TMED9: variants seen among roughly 807,000 people sequenced by gnomAD.
TMED9 encodes the protein transmembrane p24 trafficking protein 9.
Under a neutral mutation model 30.6 loss-of-function variants are expected in TMED9, and 22 were observed. The observed-to-expected ratio is 0.72, with a 90% CI of 0.51 to 1.03. The LOEUF is 1.03. TMED9 is among the 50% of genes least tolerant of loss of function. The pLI, the probability that TMED9 is intolerant of heterozygous loss-of-function variation, is 0.00. For synonymous variants in TMED9, 146 were observed against 122.8 expected (o/e 1.19, Z -1.25); for missense variants, 251 against 302.1 (o/e 0.83, Z 1.25).
rs774454154 is a variant in TMED9, at chr5:177,594,107, A to G, written c.412-32A>G. The G allele has an allele frequency of 1.9e-6, 3 of 1,612,742 alleles. No homozygotes were observed. The African/African-American group carries it at 4.0e-5, about 22-fold the overall frequency. On this transcript the variant is annotated intron_variant, in intron 3 of 4. Coordinates refer to ENST00000332598, the MANE Select transcript of TMED9 (RefSeq NM_017510.6). ...GGCAGGAAGATGGAGCAGGGCTACC[A>G]GATTTCCCTTATCTCCTTTGTCTGT...
At chr5:177,595,168 C>G in intron 4 of TMED9, 99 bp from the exon 5 acceptor site, 1 of 1,370,912 alleles carries the variant, frequency 7.3e-7, no homozygotes, top group African/African-American at 1.5e-5. Context: ...TTGGCTGGAA[C>G]CTGGGCAAAG....
At chr5:177,592,471 A>G in intron 1 of TMED9, 73 bp downstream of exon 1, 2 of 1,552,684 alleles carry the variant, frequency 1.3e-6, no homozygotes, top group South Asian at 1.2e-5. Context: ...CGAGACAGTC[A>G]GCTCTCTAGA....
rs539602650 is a variant in TMED9 at position 177,594,584 on chromosome 5, G to A, written c.558+299G>A. On this transcript the variant is annotated intron_variant, in intron 4 of 4. Transcript: ENST00000332598. ...CAGGACCAGGGTCTCAAACTTACCG[G>A]TGACCAGGAACCAGAGATTACCATA... Among the ~76,000 whole-genome samples the A allele has an allele frequency of 5.9e-5, 9 of 152,208 alleles. No individual in the cohort carries two copies. The South Asian group carries it at 1.9e-3, about 32-fold the overall frequency.
At chr5:177,592,811 C>T (rs572531572) in intron 2 of TMED9, 136 bp downstream of exon 2, 2 of 656,366 alleles carry the variant, frequency 3.0e-6, no homozygotes, top group South Asian at 2.0e-5. Flanking sequence ...CTTGCAGACC[C>T]CGCCCGGTCT....
rs766285629 is a variant in TMED9, at chr5:177,592,236, C to A, written c.22C>A (p.Leu8Met). Reference protein sequence around the residue: MAVELGVLLVRPRPGTGL... With the variant: MAVELGVMLVRPRPGTGL... ...CAAGATGGCTGTGGAGCTGGGCGTG[C>A]TGCTCGTCCGGCCCCGGCCCGGAAC... is the stretch of plus-strand genomic sequence containing the variant. Residue 8 changes from leucine (L) to methionine (M), a missense_variant, in exon 1 of 5, where the codon CTG becomes ATG. Leu to Met is a conservative substitution (Grantham distance 15, BLOSUM62 2). This residue lies in a region of TMED9 where 98 missense variants were observed against 62.5 expected (regional missense o/e 1.57). Transcript: ENST00000332598. 6.2e-6 allele frequency: 10 copies of A among 1,608,516 alleles called. No individual in the cohort carries two copies. Among genetic ancestry groups the A allele is most frequent in the Non-Finnish European group, 7.6e-6 (9 of 1,178,142 alleles).
In TMED9 at chr5:177,592,203, A is replaced by G; in HGVS notation, c.-12A>G. On this transcript the variant is annotated 5_prime_UTR_variant, in exon 1 of 5. Transcript: ENST00000332598. ...CGCGGCCGGCTGCGGCTGCGCAGGC[A>G]GGTGGAGCAAGATGGCTGTGGAGCT... 1 of 1,575,010 alleles carries G rather than the reference A, an allele frequency of 6.3e-7. No homozygotes were observed. The highest frequency in any genetic ancestry group is 8.6e-7 in the Non-Finnish European group (1 of 1,163,748).
At chr5:177,595,124 A>G in intron 4 of TMED9, 143 bp from the exon 5 acceptor site, 3 of 833,834 alleles carry the variant, frequency 3.6e-6, no homozygotes, top group Admixed American at 6.2e-5. Flanking sequence ...GAGGGTAAAG[A>G]TAGTCCCCAG....
intron 3 of TMED9, 26 bp downstream of exon 3, chr5:177,593,801 A>G (rs749904541): frequency 1.2e-6 from 2 of 1,613,354 alleles, no homozygotes; most frequent in Non-Finnish European, 1.7e-6. Context: ...TGAGACTTGC[A>G]GGTTTCAGCC....
intron 3 of TMED9, 169 bp downstream of exon 3, chr5:177,593,944 G>A (rs1166299432): frequency 5.9e-6 from 7 of 1,193,642 alleles, no homozygotes; most frequent in Non-Finnish European, 7.1e-6. Flanking sequence ...CTTTGTACAT[G>A]CCTCACTCAG....
chr5:177,593,577 G>C (rs1348501213), intron 2 of TMED9, 73 bp from the exon 3 acceptor site: 7 of 1,580,738 alleles, frequency 4.4e-6, no homozygotes, highest in Non-Finnish European at 6.1e-6. Context: ...GCAGTACTTA[G>C]AGCCTTAAGC....
Position 177,592,308 on chromosome 5 carries a change from G to T in TMED9, c.94G>T (p.Ala32Ser). ...GACCCTCCTGCTGGTGCTGTGGCTG[G>T]CGACGCGCGGAAGCGCGCTCTACTT... Reference protein sequence around the residue: ...MRTLLLVLWLATRGSALYFHI... With the variant: ...MRTLLLVLWLSTRGSALYFHI... The change falls in exon 1 of 5, where the codon GCG becomes TCG. Residue 32 changes from alanine to serine, a missense_variant. Transcript: ENST00000332598. The T allele has an allele frequency of 6.2e-7, 1 of 1,608,114 alleles. No individual in the cohort carries two copies.
chr5:177,595,482 T>G lies in TMED9; in HGVS notation c.*66T>G. The G allele has an allele frequency of 6.5e-7, 1 of 1,529,960 alleles. No individual in the cohort carries two copies. Among genetic ancestry groups the G allele is most frequent in the Non-Finnish European group, 8.9e-7 (1 of 1,127,976 alleles). The allele number at this position is 1,529,960 out of a possible 1,614,324, so 94.8% of individuals were successfully genotyped here. Reference sequence around the variant, plus strand: ...GAAAGGACCTCCTGGAACTGACTTCTTCTGTCAGGAGGACTGGTTTCCAGC... The same window carrying G: ...GAAAGGACCTCCTGGAACTGACTTCGTCTGTCAGGAGGACTGGTTTCCAGC... On this transcript the variant is annotated 3_prime_UTR_variant, in exon 5 of 5. Transcript: ENST00000332598.
At chr5:177,592,429 G>A in intron 1 of TMED9, 31 bp downstream of exon 1, 1 of 1,574,898 alleles carries the variant, frequency 6.3e-7, no homozygotes, top group Non-Finnish European at 8.6e-7. Context: ...GGGCGAGTTT[G>A]GAACGTGACC....
intron 4 of TMED9, 105 bp from the exon 5 acceptor site, chr5:177,595,162 C>T: frequency 7.6e-7 from 1 of 1,316,912 alleles, no homozygotes; most frequent in Non-Finnish European, 1.0e-6. Flanking sequence ...AGGCACTTGG[C>T]TGGAACCTGG....
chr5:177,592,364 T>C lies in TMED9; in HGVS notation c.150T>C (p.Phe50=). Residue 50 remains phenylalanine, a synonymous_variant, in exon 1 of 5, where the codon TTT becomes TTC. Coordinates refer to ENST00000332598, the MANE Select transcript of TMED9 (RefSeq NM_017510.6). Reference sequence around the variant, plus strand: ...TCGGAGAGACGGAGAAGAAGTGCTTTATTGAGGAGATCCCGGACGAGACCA... The same window carrying C: ...TCGGAGAGACGGAGAAGAAGTGCTTCATTGAGGAGATCCCGGACGAGACCA... ...FHIGETEKKC[F]IEEIPDETMV... 6.2e-7 allele frequency: 1 copy of C among 1,604,484 alleles called. No homozygotes were observed. Among genetic ancestry groups the C allele is most frequent in the Non-Finnish European group, 8.5e-7 (1 of 1,175,654 alleles).
At position 177,597,029 on chromosome 5, in the gene TMED9, G is replaced by C. The variant is rs1305719096; in HGVS notation, c.*1613G>C. 6.6e-6 allele frequency among the ~76,000 whole-genome samples: 1 copy of C among 152,038 alleles called. No individual in the cohort carries two copies. Among genetic ancestry groups the C allele is most frequent in the Non-Finnish European group, 1.5e-5 (1 of 68,022 alleles). On this transcript the variant is annotated 3_prime_UTR_variant, in exon 5 of 5. Coordinates refer to ENST00000332598, the MANE Select transcript of TMED9 (RefSeq NM_017510.6). ...TACAGCAGTGTGTGAGAAAGACCAG[G>C]AAGAAGGAGACAAGTTTGGGGGCTG...
chr5:177,594,420 AT>A, intron 4 of TMED9, 135 bp downstream of exon 4: 1 of 1,063,376 alleles, frequency 9.4e-7, no homozygotes, highest in Non-Finnish European at 1.3e-6. Context: ...TGGGGCGGGT[AT>A]TACTAACTCG....
chr5:177,594,167 A>T lies in TMED9; in HGVS notation c.440A>T (p.Glu147Val). 6.2e-7 allele frequency: 1 copy of T among 1,614,242 alleles called. No homozygotes were observed. Among genetic ancestry groups the T allele is most frequent in the South Asian group, 1.1e-5 (1 of 91,088 alleles). The change falls in exon 4 of 5, where the codon GAA (glutamate) becomes GTA (valine). Residue 147 changes from glutamate to valine, a missense_variant. Physicochemically the swap from Glu to Val is moderately radical, Grantham distance 121 (BLOSUM62 -2). This residue lies in a region of TMED9 where 153 missense variants were observed against 239.6 expected (regional missense o/e 0.64). Coordinates refer to ENST00000332598, the MANE Select transcript of TMED9 (RefSeq NM_017510.6). The stretch of plus-strand genomic sequence containing the variant: ...GTTCACCTGGACATCCAGGTAGGTG[A>T]ACATGCCAATGACTATGCAGAAATT... ...LRVHLDIQVGEHANDYAEIAA... is the reference protein window; with the variant it reads ...LRVHLDIQVGVHANDYAEIAA...
chr5:177,594,782 T>A (rs1237529289), intron 4 of TMED9, among the ~76,000 whole-genome samples: 3 of 152,236 alleles, frequency 2.0e-5, no homozygotes, highest in Admixed American at 1.3e-4. Context: ...ATTTATTTTT[T>A]ATTTTTTTCT....
Sources: allele counts gnomAD v4.1 joint callset (sites outside exome capture counted in the v4.1 genomes callset), GRCh38; gene constraint gnomAD v4.1.1; regional missense constraint gnomAD v4.1.1; transcripts MANE v1.5; gene names NCBI Gene and HGNC (gene_info 2026-07-23, HGNC 2026-07-21).